TMEM108: variants seen among roughly 807,000 people sequenced by gnomAD.
TMEM108 encodes cancer/testis antigen 124.
In TMEM108, 12 loss-of-function variants were observed where a neutral mutation model predicts 35.1. That is an observed-to-expected ratio of 0.34 (90% CI 0.22 to 0.55). The LOEUF (loss-of-function observed/expected upper bound fraction) is 0.55. Ranked by LOEUF, TMEM108 falls within the 20% of genes least tolerant of loss-of-function variation. The pLI, the probability that TMEM108 is intolerant of heterozygous loss-of-function variation, is 0.89. For synonymous variants in TMEM108, 287 were observed against 308.6 expected (o/e 0.93, Z 0.73); for missense variants, 680 against 753.3 (o/e 0.90, Z 1.14).
At chr3:133,201,828 G>C (rs746235957) in intron 2 of TMEM108, among the ~76,000 whole-genome samples, 1 of 152,156 alleles carries the variant, frequency 6.6e-6, no homozygotes, top group East Asian at 1.9e-4. Context: ...TAACAGGATT[G>C]CTAGGTCAAA....
At chr3:133,382,320 G>A (rs1459737732) in intron 4 of TMEM108, among the ~76,000 whole-genome samples, 1 of 152,200 alleles carries the variant, frequency 6.6e-6, no homozygotes, top group Non-Finnish European at 1.5e-5. Context: ...ATGGCCCTAA[G>A]CTGTGCCATC....
Position 133,309,657 on chromosome 3 carries a change from TAGTTATGCG to T in TMEM108, c.41-70094_41-70086del, listed in dbSNP as rs562443913. Among the ~76,000 whole-genome samples, 33 of 149,766 alleles carry T rather than the reference TAGTTATGCG, an allele frequency of 2.2e-4. No homozygotes were observed. The South Asian group carries it at 6.4e-3, about 29-fold the overall frequency. On this transcript the variant is annotated intron_variant, in intron 3 of 5. Transcript: ENST00000321871. ...AGGAGCAGGTTGTTCAGTTTCCGTGTAGTTATGCGGGTTTGAGTGAGTTTCTTTTTTTTT... is the reference window on the plus strand; with the variant it reads ...AGGAGCAGGTTGTTCAGTTTCCGTGTGGTTTGAGTGAGTTTCTTTTTTTTT...
At chr3:133,176,815 C>T (rs1287374399) in intron 2 of TMEM108, among the ~76,000 whole-genome samples, 1 of 151,652 alleles carries the variant, frequency 6.6e-6, no homozygotes, top group African/African-American at 2.4e-5. Flanking sequence ...TAACTAAAAT[C>T]GGAGCAGAAC....
chr3:133,168,108 A>T (rs1945071526), intron 2 of TMEM108, among the ~76,000 whole-genome samples: 1 of 152,098 alleles, frequency 6.6e-6, no homozygotes, highest in Admixed American at 6.5e-5. Context: ...TGAAAAAGGG[A>T]AGGGATGTAA....
At chr3:133,328,882 A>T (rs752317714) in intron 3 of TMEM108, among the ~76,000 whole-genome samples, 4 of 152,210 alleles carry the variant, frequency 2.6e-5, no homozygotes, top group Admixed American at 6.5e-5. Flanking sequence ...GGTTGGAAGG[A>T]ATCAAGGAGG....
chr3:133,266,379 C>G (rs1946697201), intron 3 of TMEM108, among the ~76,000 whole-genome samples: 1 of 152,140 alleles, frequency 6.6e-6, no homozygotes, highest in Non-Finnish European at 1.5e-5. Flanking sequence ...TCTTTGGGAT[C>G]AGGACTGAGA....
intron 3 of TMEM108, among the ~76,000 whole-genome samples, chr3:133,241,490 G>A (rs555278570): frequency 3.3e-5 from 5 of 152,172 alleles, no homozygotes; most frequent in South Asian, 4.1e-4. Flanking sequence ...CCTTTGTTCC[G>A]ACTGTACCAG....
At chr3:133,099,003 C>T (rs1394689100) in intron 2 of TMEM108, among the ~76,000 whole-genome samples, 1 of 152,210 alleles carries the variant, frequency 6.6e-6, no homozygotes, top group Non-Finnish European at 1.5e-5. Context: ...TGTGTGGGGG[C>T]TGTGACCCCA....
At chr3:133,366,666 A>G (rs570649456) in intron 3 of TMEM108, among the ~76,000 whole-genome samples, 24 of 152,374 alleles carry the variant, frequency 1.6e-4, no homozygotes, top group African/African-American at 5.5e-4. Flanking sequence ...TCATTCAGGT[A>G]TGCAGATCCA....
At chr3:133,299,583 G>A (rs1202914162) in intron 3 of TMEM108, among the ~76,000 whole-genome samples, 11 of 152,184 alleles carry the variant, frequency 7.2e-5, no homozygotes. Flanking sequence ...AGGTTTTCCA[G>A]CTGATGTTGG....
chr3:133,336,800 GC>G (rs753213048), intron 3 of TMEM108, among the ~76,000 whole-genome samples: 24 of 151,940 alleles, frequency 1.6e-4, no homozygotes, highest in Admixed American at 5.9e-4. Context: ...CCTGCCTTGG[GC>G]CAGAGGGGAG....
chr3:133,223,378 T>C (rs61640323), intron 2 of TMEM108, among the ~76,000 whole-genome samples: 2,275 of 152,284 alleles, frequency 0.015, 74 homozygotes, highest in African/African-American at 0.051. Context: ...CCCGAGTGTA[T>C]GGAATTGAAC....
chr3:133,176,342 T>C (rs1034837856), intron 2 of TMEM108, among the ~76,000 whole-genome samples: 1 of 152,066 alleles, frequency 6.6e-6, no homozygotes, highest in African/African-American at 2.4e-5. Context: ...TCTACAGAAC[T>C]CTCCACCCCA....
intron 2 of TMEM108, among the ~76,000 whole-genome samples, chr3:133,105,649 C>G (rs1944141186): frequency 6.6e-6 from 1 of 152,034 alleles, no homozygotes; most frequent in Admixed American, 6.5e-5. Flanking sequence ...GTGTGTGTTT[C>G]TTTAGAATTC....
chr3:133,153,295 GTTAATATC>G (rs764143687), intron 2 of TMEM108, among the ~76,000 whole-genome samples: 308 of 152,204 alleles, frequency 2.0e-3, no homozygotes, highest in Non-Finnish European at 3.5e-3. Context: ...TTCATTATAT[GTTAATATC>G]TGAGTTCAGT....
At chr3:133,044,524 A>G (rs2107670494) in intron 1 of TMEM108, among the ~76,000 whole-genome samples, 1 of 152,282 alleles carries the variant, frequency 6.6e-6, no homozygotes, top group Admixed American at 6.5e-5. Context: ...TCTATTTTCT[A>G]CTCAAAATGC....
chr3:133,187,545 T>G (rs1343953940), intron 2 of TMEM108, among the ~76,000 whole-genome samples: 2 of 152,108 alleles, frequency 1.3e-5, no homozygotes, highest in Non-Finnish European at 2.9e-5. Flanking sequence ...AGGTCAGTAG[T>G]TCAAGACCAG....
chr3:133,042,597 A>G (rs1943288280), intron 1 of TMEM108, among the ~76,000 whole-genome samples: 1 of 152,248 alleles, frequency 6.6e-6, no homozygotes, highest in South Asian at 2.1e-4. Flanking sequence ...CTGTGAGCTT[A>G]GGGCAAAAAG....
chr3:133,040,201 TG>T (rs1236661408), intron 1 of TMEM108, among the ~76,000 whole-genome samples: 12 of 124,132 alleles, frequency 9.7e-5, no homozygotes, highest in African/African-American at 2.8e-4. Flanking sequence ...TTTGTTTGTT[TG>T]TTTGTTTTTT....
Sources: gnomAD v4.1 joint callset for allele counts (sites outside exome capture counted in the v4.1 genomes callset) on GRCh38, gnomAD v4.1.1 for gene constraint, MANE v1.5 for transcripts, NCBI Gene and HGNC (gene_info 2026-07-23, HGNC 2026-07-21) for gene names.